The following EXOC6B variants were observed in gnomAD, a reference collection of about 807,000 sequenced individuals.
EXOC6B encodes exocyst complex component 6B, also known as SEC15 homolog B.
EXOC6B carries 54 observed loss-of-function variants against 113.5 expected under a neutral mutation model. That is an observed-to-expected ratio of 0.48 (90% confidence interval 0.38 to 0.60). The LOEUF (loss-of-function observed/expected upper bound fraction) is 0.60, where lower values mean the gene tolerates loss of function less well. EXOC6B is among the 20% of genes least tolerant of loss of function. The probability of loss-of-function intolerance (pLI) is 0.00; values close to 1 mark genes in which losing one functional copy is unlikely to be tolerated. For missense variants in EXOC6B, 797 were observed against 977.5 expected, an observed-to-expected ratio of 0.82 and a Z score of 2.46; for synonymous variants, 357 against 339.0, an observed-to-expected ratio of 1.05 and a Z score of -0.58.
At chr2:72,746,839 G>A (rs1681730036) in intron 1 of EXOC6B, among the ~76,000 whole-genome samples, 1 of 151,992 alleles carries the variant, frequency 6.6e-6, no homozygotes, top group African/African-American at 2.4e-5. Context: ...TTTGAACAAG[G>A]AAAGCAAGCA....
chr2:72,584,679 A>ACTTCACCC (rs1409487345), intron 6 of EXOC6B, among the ~76,000 whole-genome samples: 1 of 152,298 alleles, frequency 6.6e-6, no homozygotes, highest in South Asian at 2.1e-4. Context: ...TCTACAGAAC[A>ACTTCACCC]CTTCACCCAT....
rs1432628573 is a variant in EXOC6B at position 72,527,869 on chromosome 2, A to G, written c.916-12743T>C. Among the ~76,000 whole-genome samples the G allele has an allele frequency of 2.0e-5, 3 of 151,318 alleles. No individual in the cohort carries two copies. The East Asian group carries it at 5.8e-4, about 29-fold the overall frequency. ...GTCTTTTGCTCATTTTCCTACTTGC[A>G]TTGTTTCTTTTGTTTTTTGTTTATT... On this transcript the variant is annotated intron_variant, in intron 8 of 21. Coordinates refer to ENST00000272427, the MANE Select transcript of EXOC6B (RefSeq NM_015189.3).
chr2:72,281,470 ATAAAT>A (rs1324712902), intron 20 of EXOC6B, among the ~76,000 whole-genome samples: 1 of 152,166 alleles, frequency 6.6e-6, no homozygotes, highest in Non-Finnish European at 1.5e-5. Context: ...TATTTAAAAA[ATAAAT>A]TCTAGCTCTG....
intron 8 of EXOC6B, among the ~76,000 whole-genome samples, chr2:72,532,515 C>A (rs541942868): frequency 6.6e-6 from 1 of 151,946 alleles, no homozygotes; most frequent in African/African-American, 2.4e-5. Context: ...TAAGTGAGGA[C>A]AAAAGTATTT....
intron 20 of EXOC6B, among the ~76,000 whole-genome samples, chr2:72,274,729 C>T (rs538763731): frequency 6.6e-6 from 1 of 152,052 alleles, no homozygotes; most frequent in Admixed American, 6.6e-5. Flanking sequence ...AAATCCACCC[C>T]GTAATAAAAG....
intron 20 of EXOC6B, among the ~76,000 whole-genome samples, chr2:72,238,303 T>C (rs192986622): frequency 1.1e-4 from 17 of 152,368 alleles, no homozygotes; most frequent in Non-Finnish European, 2.1e-4. Flanking sequence ...TTTCCATTAA[T>C]CAGTTCATGG....
chr2:72,642,883 T>C (rs1322977347), intron 6 of EXOC6B, among the ~76,000 whole-genome samples: 8 of 148,120 alleles, frequency 5.4e-5, no homozygotes, highest in Admixed American at 4.0e-4. Flanking sequence ...AGGGCTAATA[T>C]CCAGAATCTA....
At chr2:72,508,501 GT>G (rs1303264622) in intron 11 of EXOC6B, among the ~76,000 whole-genome samples, 1 of 152,170 alleles carries the variant, frequency 6.6e-6, no homozygotes, top group Non-Finnish European at 1.5e-5. Flanking sequence ...GCCGGGCATA[GT>G]GGTTCATGCC....
At chr2:72,516,170 C>A (rs1701202659) in intron 8 of EXOC6B, among the ~76,000 whole-genome samples, 1 of 152,170 alleles carries the variant, frequency 6.6e-6, no homozygotes, top group South Asian at 2.1e-4. Context: ...CTTGTTACAG[C>A]AGCTCTAGGA....
At chr2:72,793,386 T>C (rs1684784470) in intron 1 of EXOC6B, among the ~76,000 whole-genome samples, 1 of 152,194 alleles carries the variant, frequency 6.6e-6, no homozygotes, top group African/African-American at 2.4e-5. Context: ...CTTTACAAAA[T>C]AAAGGCTTAT....
chr2:72,436,339 T>G (rs1695870494), intron 18 of EXOC6B, among the ~76,000 whole-genome samples: 1 of 152,150 alleles, frequency 6.6e-6, no homozygotes, highest in South Asian at 2.1e-4. Flanking sequence ...CATTTTTTCC[T>G]TCATTTCAAC....
intron 6 of EXOC6B, 77 bp from the exon 7 acceptor site, chr2:72,575,745 G>A: frequency 7.6e-7 from 1 of 1,314,400 alleles, no homozygotes; most frequent in Non-Finnish European, 1.0e-6. Flanking sequence ...AAAAAGAAAA[G>A]AAACAAAACT....
chr2:72,370,567 G>A (rs1690935220), intron 19 of EXOC6B, among the ~76,000 whole-genome samples: 1 of 152,160 alleles, frequency 6.6e-6, no homozygotes, highest in South Asian at 2.1e-4. Context: ...GCACATGTAT[G>A]TTTATTGCGG....
chr2:72,202,724 TC>T (rs2104341780), intron 20 of EXOC6B, among the ~76,000 whole-genome samples: 1 of 152,244 alleles, frequency 6.6e-6, no homozygotes, highest in East Asian at 1.9e-4. Context: ...CACTGAAAAA[TC>T]ACCTTGTTTT....
At chr2:72,302,866 G>T (rs1272895937) in intron 20 of EXOC6B, among the ~76,000 whole-genome samples, 1 of 151,888 alleles carries the variant, frequency 6.6e-6, no homozygotes, top group African/African-American at 2.4e-5. Flanking sequence ...TCATTGTGTT[G>T]TTAGCCGGTT....
intron 19 of EXOC6B, among the ~76,000 whole-genome samples, chr2:72,346,236 T>G (rs1558577618): frequency 6.6e-6 from 1 of 152,166 alleles, no homozygotes; most frequent in Non-Finnish European, 1.5e-5. Flanking sequence ...TTTAATTAAA[T>G]AAGGAATTAA....
intron 20 of EXOC6B, among the ~76,000 whole-genome samples, chr2:72,323,602 T>C (rs574397287): frequency 6.6e-6 from 1 of 152,174 alleles, no homozygotes; most frequent in Non-Finnish European, 1.5e-5. Flanking sequence ...CCATCAATGA[T>C]AGACTGGATA....
chr2:72,534,942 C>A (rs1702198827), intron 8 of EXOC6B, among the ~76,000 whole-genome samples: 1 of 152,130 alleles, frequency 6.6e-6, no homozygotes, highest in South Asian at 2.1e-4. Context: ...CTAAAACTCT[C>A]CCCTCCCTCA....
At chr2:72,769,536 GC>G (rs1376316062) in intron 1 of EXOC6B, among the ~76,000 whole-genome samples, 1 of 152,160 alleles carries the variant, frequency 6.6e-6, no homozygotes, top group Non-Finnish European at 1.5e-5. Flanking sequence ...GAAGGGCCAG[GC>G]CCAGTGGCTC....
Sources: allele counts gnomAD v4.1 joint callset (sites outside exome capture counted in the v4.1 genomes callset), GRCh38; gene constraint gnomAD v4.1.1; transcripts MANE v1.5; gene names NCBI Gene and HGNC (gene_info 2026-07-23, HGNC 2026-07-21).